Variants in CCDC93 observed in about 807,000 individuals in gnomAD.
The protein encoded by CCDC93 is CCC complex scaffolding subunit CCDC93.
Under a neutral mutation model 108.2 loss-of-function variants are expected in CCDC93, and 61 were observed. The ratio of observed to expected loss-of-function variants is 0.56; its 90% CI spans 0.46 to 0.70. The LOEUF (loss-of-function observed/expected upper bound fraction) is 0.70, where lower values mean the gene tolerates loss of function less well. Among genes scored for constraint, CCDC93 ranks in the 30% least tolerant of loss-of-function variants. The probability of loss-of-function intolerance (pLI) is 0.00; values close to 1 mark genes in which losing one functional copy is unlikely to be tolerated. For synonymous variants in CCDC93, 276 were observed against 260.4 expected, an observed-to-expected ratio of 1.06 and a Z score of -0.58; for missense variants, 685 against 764.2, an observed-to-expected ratio of 0.90 and a Z score of 1.22.
intron 1 of CCDC93, chr2:118,008,935 G>T: frequency 3.4e-6 from 1 of 295,690 alleles, no homozygotes; most frequent in Non-Finnish European, 6.3e-6. Flanking sequence ...ACATGCTGAA[G>T]GAATCCAGGG....
chr2:117,979,670 G>A (rs942549930), intron 7 of CCDC93, among the ~76,000 whole-genome samples: 2 of 152,218 alleles, frequency 1.3e-5, no homozygotes, highest in African/African-American at 4.8e-5. Context: ...AAAAGTCACT[G>A]CTGGGCAGTA....
chr2:117,996,778 ATC>A (rs35466108), intron 4 of CCDC93: 2,742 of 159,178 alleles, frequency 0.017, 68 homozygotes, highest in African/African-American at 0.06. Flanking sequence ...CTTCATGTAA[ATC>A]TCTTTTTCTT....
rs140607044 is a variant in CCDC93, at chr2:118,009,741, A to G, written c.43-1083T>C. On this transcript the variant is annotated intron_variant, in intron 1 of 23. Transcript: ENST00000376300. ...CTGACAACAGGCATAGAAATGAAGA[A>G]GGGAATTCAAAAGTGCATCCCTCAC... is the stretch of plus-strand genomic sequence containing the variant. 6.2e-3 allele frequency among the ~76,000 whole-genome samples: 951 copies of G among 152,318 alleles called. 5 individuals carry two copies. The highest frequency in any genetic ancestry group is 0.01 in the Non-Finnish European group (688 of 68,026).
intron 19 of CCDC93, among the ~76,000 whole-genome samples, chr2:117,940,976 A>G (rs550376857): frequency 6.6e-6 from 1 of 152,278 alleles, no homozygotes; most frequent in Non-Finnish European, 1.5e-5. Flanking sequence ...CTAAGAGCTC[A>G]ACTGGTTCAA....
At chr2:117,953,098 G>C (rs1471234700) in intron 12 of CCDC93, among the ~76,000 whole-genome samples, 1 of 152,142 alleles carries the variant, frequency 6.6e-6, no homozygotes, top group Non-Finnish European at 1.5e-5. Context: ...ATGCTCAAAA[G>C]GATTGTGTAT....
At chr2:117,962,616 C>G (rs1679432713) in intron 11 of CCDC93, among the ~76,000 whole-genome samples, 1 of 152,228 alleles carries the variant, frequency 6.6e-6, no homozygotes, top group Admixed American at 6.5e-5. Context: ...ACACTCCAGC[C>G]TGGGCGGCAG....
At chr2:117,926,743 T>G (rs1054057910) in intron 23 of CCDC93, among the ~76,000 whole-genome samples, 3 of 151,996 alleles carry the variant, frequency 2.0e-5, no homozygotes, top group Admixed American at 6.6e-5. Flanking sequence ...AATAGAAAAA[T>G]AGAGAATCCT....
chr2:117,921,447 G>A (rs1447792981), intron 23 of CCDC93, among the ~76,000 whole-genome samples: 1 of 152,028 alleles, frequency 6.6e-6, no homozygotes, highest in Non-Finnish European at 1.5e-5. Context: ...CAATAACTCT[G>A]ACCCCATTCT....
intron 17 of CCDC93, 54 bp downstream of exon 17, chr2:117,945,475 G>C (rs1400653701): frequency 6.8e-7 from 1 of 1,469,006 alleles, no homozygotes; most frequent in East Asian, 2.3e-5. Context: ...AGAGTGGAAA[G>C]CTGGCCGCCT....
intron 23 of CCDC93, among the ~76,000 whole-genome samples, chr2:117,926,410 G>C (rs1678100429): frequency 6.6e-6 from 1 of 152,044 alleles, no homozygotes; most frequent in Non-Finnish European, 1.5e-5. Context: ...GAATCAAATA[G>C]ACGCAATAAA....
In CCDC93 at chr2:117,920,387, T is replaced by C. The variant is rs1226269594; in HGVS notation, c.1852A>G (p.Lys618Glu). 3 of 1,612,754 alleles carry C rather than the reference T, an allele frequency of 1.9e-6. No homozygotes were observed. Among genetic ancestry groups the C allele is most frequent in the Middle Eastern group, 1.6e-4 (1 of 6,082 alleles). The change falls in exon 24 of 24, where the codon AAG (lysine) becomes GAG (glutamate). Residue 618 changes from lysine to glutamate, a missense_variant. Physicochemically the swap from Lys to Glu is moderately conservative, Grantham distance 56. Coordinates refer to ENST00000376300, the MANE Select transcript of CCDC93 (RefSeq NM_019044.5). ...TVKEFKEEGR[K>E]NEMLLSKVKA... is the part of the protein sequence containing the mutation. ...ACCTTGGACAGCAGCATCTCGTTCT[T>C]GCGGCCCTCCTGGAGGGAAAGCAGA...
intron 11 of CCDC93, among the ~76,000 whole-genome samples, chr2:117,964,656 T>C (rs1679498586): frequency 6.6e-6 from 1 of 152,020 alleles, no homozygotes; most frequent in South Asian, 2.1e-4. Context: ...TGGAATGCAG[T>C]GGCATGATCA....
chr2:117,995,439 G>T lies in CCDC93; in HGVS notation c.519+7C>A. 1 of 1,606,722 alleles carries T rather than the reference G, an allele frequency of 6.2e-7. No individual in the cohort carries two copies. The highest frequency in any genetic ancestry group is 1.1e-5 in the South Asian group (1 of 90,930). On this transcript the variant is annotated splice_region_variant and intron_variant, in intron 6 of 23. Coordinates refer to ENST00000376300, the MANE Select transcript of CCDC93 (RefSeq NM_019044.5). ...CTCTGACAGAAGAATACGGCCAGGG[G>T]ACTTACTGAGAGGTCCACAACTGTC...
chr2:117,981,198 C>A (rs187248546), intron 7 of CCDC93, among the ~76,000 whole-genome samples: 59 of 152,266 alleles, frequency 3.9e-4, no homozygotes, highest in Admixed American at 3.8e-3. Context: ...TATAAATATT[C>A]ATGTACAGCT....
At chr2:117,943,944 T>G in intron 18 of CCDC93, 80 bp downstream of exon 18, 3 of 941,602 alleles carry the variant, frequency 3.2e-6, no homozygotes, top group Non-Finnish European at 4.8e-6. Flanking sequence ...TCTTAGATAT[T>G]GAGACTTTCT....
At chr2:117,931,469 C>T (rs1678327784) in intron 22 of CCDC93, 2 of 284,446 alleles carry the variant, frequency 7.0e-6, no homozygotes, top group East Asian at 9.7e-5. Flanking sequence ...TGTCTGGAGA[C>T]AGTTTTGATT....
chr2:118,004,419 T>C (rs1676805343), intron 3 of CCDC93, among the ~76,000 whole-genome samples: 1 of 152,172 alleles, frequency 6.6e-6, no homozygotes, highest in African/African-American at 2.4e-5. Context: ...GAACAAGGCC[T>C]CAATTGGGCA....
chr2:117,970,635 GACA>G (rs564513748), intron 11 of CCDC93, among the ~76,000 whole-genome samples: 301 of 152,276 alleles, frequency 2.0e-3, no homozygotes, highest in Non-Finnish European at 3.2e-3. Context: ...GTCTATAACA[GACA>G]ATTCAGAGAA....
At chr2:118,000,975 T>C (rs760441412) in intron 3 of CCDC93, 43 bp from the exon 4 acceptor site, 59 of 1,172,134 alleles carry the variant, frequency 5.0e-5, no homozygotes, top group African/African-American at 1.4e-4. Context: ...GCATACTAAG[T>C]AGCCTTTATG....
Sources: allele counts gnomAD v4.1 joint callset (sites outside exome capture counted in the v4.1 genomes callset), GRCh38; gene constraint gnomAD v4.1.1; transcripts MANE v1.5; gene names NCBI Gene and HGNC (gene_info 2026-07-23, HGNC 2026-07-21).